Variants in TIMP2 observed in about 807,000 individuals in gnomAD.
TIMP2 encodes metalloproteinase inhibitor 2.
In TIMP2, 5 loss-of-function variants were observed where a neutral mutation model predicts 24.3. That is an observed-to-expected ratio of 0.21 (90% CI 0.11 to 0.43). The LOEUF is 0.43. TIMP2 is among the 20% of genes least tolerant of loss of function. TIMP2 has a pLI of 1.00. For missense variants in TIMP2, 221 were observed against 297.5 expected, an observed-to-expected ratio of 0.74 and a Z score of 1.89; for synonymous variants, 130 against 123.2, an observed-to-expected ratio of 1.06 and a Z score of -0.37.
chr17:78,877,184 C>T (rs2069734933), intron 1 of TIMP2, among the ~76,000 whole-genome samples: 1 of 152,226 alleles, frequency 6.6e-6, no homozygotes, highest in Admixed American at 6.5e-5. Context: ...AATCTATATA[C>T]CTTACGACAA....
At chr17:78,880,535 C>A (rs1599153822) in intron 1 of TIMP2, among the ~76,000 whole-genome samples, 1 of 151,506 alleles carries the variant, frequency 6.6e-6, no homozygotes, top group Non-Finnish European at 1.5e-5. Context: ...AAACAAAATA[C>A]AAAAAACAAA....
chr17:78,924,921 T>TGG lies in TIMP2; in HGVS notation c.130+36_130+37dup. 1 of 1,089,492 alleles carries TGG rather than the reference T, an allele frequency of 9.2e-7. No homozygotes were observed. Among genetic ancestry groups the TGG allele is most frequent in the African/African-American group, 1.9e-5 (1 of 52,818 alleles). 67.5% of individuals were successfully genotyped at this position (1,089,492 alleles called of 1,614,324 possible). On this transcript the variant is annotated intron_variant, in intron 1 of 4. Transcript: ENST00000262768. This position sits in a 1 kb window ranked among gnomAD's most constrained non-coding sequence, Gnocchi z 5.3. ...CGAACCCTCGGGGTCGCGGGGGAGG[T>TGG]GGGGCCCCGCGCGGGGGCTGGGGTC...
In TIMP2 at chr17:78,924,979, G is replaced by A; in HGVS notation, c.110C>T (p.Ala37Val). 2.3e-6 allele frequency: 3 copies of A among 1,304,260 alleles called. No homozygotes were observed. Among genetic ancestry groups the A allele is most frequent in the African/African-American group, 1.5e-5 (1 of 64,662 alleles). 80.8% of individuals were successfully genotyped at this position (1,304,260 alleles called of 1,614,324 possible). Reference protein sequence around the residue: ...CSCSPVHPQQAFCNADVVIRA... With the variant: ...CSCSPVHPQQVFCNADVVIRA... ...CTTACCTACATCTGCATTGCAAAAC[G>A]CCTGTTGCGGGTGCACCGGGGAGCA... Residue 37 changes from alanine (A) to valine (V), a missense_variant, in exon 1 of 5, where the codon GCG becomes GTG. By Grantham distance (64) the Ala-to-Val change is moderately conservative. Transcript: ENST00000262768. This position sits in a 1 kb window ranked among gnomAD's most constrained non-coding sequence, Gnocchi z 5.3.
Position 78,891,345 on chromosome 17 carries a change from C to T in TIMP2, c.131-17426G>A, listed in dbSNP as rs78156008. 413 of 1,550,352 alleles carry T rather than the reference C, an allele frequency of 2.7e-4. 1 individual carries two copies. The African/African-American group carries it at 4.8e-3, about 18-fold the overall frequency. On this transcript the variant is annotated intron_variant, in intron 1 of 4. Coordinates refer to ENST00000262768, the MANE Select transcript of TIMP2 (RefSeq NM_003255.5). The surrounding 1 kb of genome is among the most constrained non-coding windows in gnomAD (Gnocchi z 4.5). The stretch of plus-strand genomic sequence containing the variant: ...ATTTTCTTCCCTCTTGGGGTCCCAG[C>T]GCCACACTCTTGCATCTCTGAGAAG...
rs2069512756 is a variant in TIMP2, at chr17:78,854,932, G to GGGGGGGGGGGGGGGC, written c.*734_*735insGCCCCCCCCCCCCCC. ...GGGGAGCATGTGGGCGGGGGGGGGG[G>GGGGGGGGGGGGGGGC]GGTGGGGGGGTGGGTGCAGACCAAA... On this transcript the variant is annotated 3_prime_UTR_variant, in exon 5 of 5. Transcript: ENST00000262768. The GGGGGGGGGGGGGGGC allele has an allele frequency of 8.3e-6, 1 of 120,440 alleles. No homozygotes were observed. Among genetic ancestry groups the GGGGGGGGGGGGGGGC allele is most frequent in the Non-Finnish European group, 1.8e-5 (1 of 56,366 alleles). The allele number at this position is 120,440 out of a possible 1,614,324, so 7.5% of individuals were successfully genotyped here.
chr17:78,873,778 G>A, intron 2 of TIMP2, 41 bp downstream of exon 2: 2 of 1,557,986 alleles, frequency 1.3e-6, no homozygotes, highest in Non-Finnish European at 1.8e-6. Flanking sequence ...CCCCACAGCT[G>A]TGCCCACAGT....
rs1356026023 is a variant in TIMP2, at chr17:78,854,058, G to C, written c.*1609C>G. ...ATCTGTGCTGACCAGGTCCCGGTGG[G>C]CATGGGGGCTGCATGCCACTTGGGG... On this transcript the variant is annotated 3_prime_UTR_variant, in exon 5 of 5. Transcript: ENST00000262768. 1 of 152,196 alleles carries C rather than the reference G, an allele frequency of 6.6e-6. No individual in the cohort carries two copies. The highest frequency in any genetic ancestry group is 1.5e-5 in the Non-Finnish European group (1 of 68,082). 9.4% of individuals were successfully genotyped at this position (152,196 alleles called of 1,614,324 possible).
intron 1 of TIMP2, among the ~76,000 whole-genome samples, chr17:78,914,044 CAG>C (rs1455154397): frequency 6.6e-6 from 1 of 151,942 alleles, no homozygotes; most frequent in African/African-American, 2.4e-5. Flanking sequence ...AATGGAGAGA[CAG>C]AGAAGTTTTC....
At chr17:78,917,475 G>T (rs2070270142) in intron 1 of TIMP2, among the ~76,000 whole-genome samples, 1 of 152,168 alleles carries the variant, frequency 6.6e-6, no homozygotes, top group Admixed American at 6.5e-5. Context: ...GTATTTCTGT[G>T]TACGGTAGGC....
At chr17:78,879,434 G>A (rs545822855) in intron 1 of TIMP2, among the ~76,000 whole-genome samples, 10 of 152,312 alleles carry the variant, frequency 6.6e-5, no homozygotes, top group African/African-American at 2.4e-4. Flanking sequence ...AAGGAATCTG[G>A]GAAGAAATGA....
intron 1 of TIMP2, among the ~76,000 whole-genome samples, chr17:78,876,765 G>A (rs2145757533): frequency 6.6e-6 from 1 of 151,796 alleles, no homozygotes; most frequent in Non-Finnish European, 1.5e-5. Flanking sequence ...GACCTCAAGT[G>A]ATCCGCCCAC....
intron 1 of TIMP2, chr17:78,904,012 C>T (rs1451354991): frequency 6.6e-6 from 1 of 151,268 alleles, no homozygotes; most frequent in Non-Finnish European, 1.5e-5. Context: ...ACCTCTGCCT[C>T]CCGGGTTCAG....
At chr17:78,884,294 C>T (rs998643314) in intron 1 of TIMP2, among the ~76,000 whole-genome samples, 3 of 152,198 alleles carry the variant, frequency 2.0e-5, no homozygotes, top group African/African-American at 7.2e-5. Flanking sequence ...GCTGCGACAG[C>T]GCGAGGTGGG....
chr17:78,917,585 G>A (rs574867058), intron 1 of TIMP2, among the ~76,000 whole-genome samples: 129 of 152,292 alleles, frequency 8.5e-4, no homozygotes, highest in Middle Eastern at 3.4e-3. Flanking sequence ...CTTCCTAACT[G>A]GTGAGGTCTG....
intron 1 of TIMP2, among the ~76,000 whole-genome samples, chr17:78,883,745 A>G (rs1349110504): frequency 6.6e-6 from 1 of 152,070 alleles, no homozygotes; most frequent in Non-Finnish European, 1.5e-5. Flanking sequence ...CCTCTTGGGA[A>G]ACAGCATCTA....
At chr17:78,857,460 C>T (rs2069532951) in intron 4 of TIMP2, 62 bp downstream of exon 4, 1 of 1,607,660 alleles carries the variant, frequency 6.2e-7, no homozygotes, top group South Asian at 1.1e-5. Flanking sequence ...ATCAAAATCC[C>T]TGCCGTCCAT....
At position 78,855,779 on chromosome 17, in the gene TIMP2, T is replaced by C. The variant is rs757916824; in HGVS notation, c.551A>G (p.Asn184Ser). The C allele has an allele frequency of 3.5e-5, 57 of 1,614,046 alleles. No homozygotes were observed. The highest frequency in any genetic ancestry group is 4.7e-5 in the Non-Finnish European group (55 of 1,180,024). Residue 184 changes from asparagine to serine, a missense_variant, in exon 5 of 5, where the codon AAC (asparagine) becomes AGC (serine). Coordinates refer to ENST00000262768, the MANE Select transcript of TIMP2 (RefSeq NM_003255.5). The surrounding 1 kb of genome is among the most constrained non-coding windows in gnomAD (Gnocchi z 6.0). ...GGCGAAGAACTTGGCCTGGTGCCCG[T>C]TGATGTTCTTCTCTGTGACCCAGTC... is the stretch of plus-strand genomic sequence containing the variant. ...WMDWVTEKNI[N>S]GHQAKFFACI...
chr17:78,911,772 G>A (rs57202573), intron 1 of TIMP2, among the ~76,000 whole-genome samples: 64,960 of 151,234 alleles, frequency 0.43, 14,267 homozygotes, highest in African/African-American at 0.54. Context: ...TTGGCAGGGT[G>A]TGGTGGCTCA....
intron 1 of TIMP2, among the ~76,000 whole-genome samples, chr17:78,913,963 TAA>T (rs2070232058): frequency 6.6e-6 from 1 of 151,938 alleles, no homozygotes; most frequent in African/African-American, 2.4e-5. Flanking sequence ...GCTTTTTGCT[TAA>T]GTGTCTTTTC....
Sources: allele counts gnomAD v4.1 joint callset (sites outside exome capture counted in the v4.1 genomes callset), GRCh38; gene constraint gnomAD v4.1.1; non-coding constraint Gnocchi (gnomAD v3.1); transcripts MANE v1.5; gene names NCBI Gene and HGNC (gene_info 2026-07-23, HGNC 2026-07-21).